Variants in BRAP observed in about 807,000 individuals in gnomAD.
BRAP encodes BRCA1 associated protein, also known as BRCA1-associated protein.
In BRAP, 42 loss-of-function variants were observed where a neutral mutation model predicts 73.4. That is an observed-to-expected ratio of 0.57 (90% CI 0.45 to 0.74). The LOEUF (loss-of-function observed/expected upper bound fraction) is 0.74, where lower values mean the gene tolerates loss of function less well. BRAP is among the 30% of genes least tolerant of loss of function. BRAP has a pLI of 0.00. For missense variants in BRAP, 593 were observed against 751.4 expected, an observed-to-expected ratio of 0.79 and a Z score of 2.46; for synonymous variants, 255 against 267.4, an observed-to-expected ratio of 0.95 and a Z score of 0.45.
chr12:111,644,313 C>T lies in BRAP; in HGVS notation c.1665G>A (p.Gln555=). The T allele has an allele frequency of 6.2e-7, 1 of 1,614,140 alleles. No homozygotes were observed. The highest frequency in any genetic ancestry group is 8.5e-7 in the Non-Finnish European group (1 of 1,180,036). ...TGTTGATCTGTCCCTCCTGGATTTC[C>T]TGCCGGGTCTCGGCAGGCAGATGGT... ...KINHLPAETR[Q]EIQEGQINIA... is the part of the protein sequence containing the mutation. Residue 555 remains glutamine (Q), a synonymous_variant, in exon 12 of 12, where the codon CAG becomes CAA. Coordinates refer to ENST00000419234, the MANE Select transcript of BRAP (RefSeq NM_006768.5).
chr12:111,643,017 C>G lies in BRAP; in HGVS notation c.*1182G>C, dbSNP rs1284394790. On this transcript the variant is annotated 3_prime_UTR_variant, in exon 12 of 12. Transcript: ENST00000419234. ...ACCTGTTGTTTAACAATACATCTTA[C>G]TAACCTATCCCTCTACCTCTTCAAG... The G allele has an allele frequency of 6.6e-6, 1 of 152,204 alleles. No homozygotes were observed. The highest frequency in any genetic ancestry group is 1.5e-5 in the Non-Finnish European group (1 of 68,028). 9.4% of individuals were successfully genotyped at this position (152,204 alleles called of 1,614,324 possible).
intron 10 of BRAP, among the ~76,000 whole-genome samples, chr12:111,655,301 C>T (rs1886484457): frequency 6.8e-6 from 1 of 148,028 alleles, no homozygotes; most frequent in African/African-American, 2.5e-5. Context: ...TTTAGTGGAA[C>T]TTCACAAGGC....
intron 9 of BRAP, among the ~76,000 whole-genome samples, chr12:111,656,813 A>G (rs1276224794): frequency 6.6e-6 from 1 of 152,106 alleles, no homozygotes; most frequent in East Asian, 1.9e-4. Flanking sequence ...GACTCACTGC[A>G]ACCTCAACCT....
rs532033954 is a variant in BRAP, at chr12:111,653,780, C to T, written c.1311+1786G>A. Among the ~76,000 whole-genome samples, 54 of 152,248 alleles carry T rather than the reference C, an allele frequency of 3.5e-4. 1 individual carries two copies. In the South Asian group the frequency reaches 0.01, roughly 29 times the overall value. On this transcript the variant is annotated intron_variant, in intron 10 of 11. Transcript: ENST00000419234. The stretch of plus-strand genomic sequence containing the variant: ...ACAAGGGACTGGCCAAAAGGAGGAC[C>T]GTGGCAGAACAAAAGGCTTGCATCA...
At chr12:111,672,025 G>C (rs61941270) in intron 5 of BRAP, among the ~76,000 whole-genome samples, 4,498 of 152,032 alleles carry the variant, frequency 0.03, 109 homozygotes, top group Non-Finnish European at 0.039. Context: ...GCCCAGCCAG[G>C]GTGATCTTGT....
intron 11 of BRAP, 100 bp from the exon 12 acceptor site, chr12:111,644,662 C>A: frequency 6.7e-7 from 1 of 1,497,508 alleles, no homozygotes; most frequent in East Asian, 2.3e-5. Context: ...CCTCAGAATC[C>A]CTTTAGGACA....
At position 111,645,680 on chromosome 12, in the gene BRAP, G is replaced by A. The variant is rs542523576; in HGVS notation, c.1416-1118C>T. 1.4e-3 allele frequency among the ~76,000 whole-genome samples: 215 copies of A among 152,282 alleles called. 2 individuals are homozygous for A. Among genetic ancestry groups the A allele is most frequent in the African/African-American group, 4.7e-3 (196 of 41,564 alleles). ...TACTCATAAGTAAAGAATTGCAAAT[G>A]AAACCACCATTTGAGGCCAGGTGCA... On this transcript the variant is annotated intron_variant, in intron 11 of 11. Coordinates refer to ENST00000419234, the MANE Select transcript of BRAP (RefSeq NM_006768.5).
intron 1 of BRAP, 88 bp downstream of exon 1, chr12:111,685,623 G>A (rs1367884479): frequency 4.2e-6 from 6 of 1,438,796 alleles, no homozygotes; most frequent in African/African-American, 1.5e-5. Flanking sequence ...CCCTCGCCGC[G>A]GGCTTTTCCC....
chr12:111,685,946 G>A lies in BRAP; in HGVS notation c.-154C>T, dbSNP rs1413584933. 8 of 426,172 alleles carry A rather than the reference G, an allele frequency of 1.9e-5. No homozygotes were observed. The highest frequency in any genetic ancestry group is 6.3e-5 in the South Asian group (1 of 15,894). 26.4% of individuals were successfully genotyped at this position (426,172 alleles called of 1,614,324 possible). A position where few individuals can be genotyped will look rare whatever the true frequency, so the allele number is the denominator to read the frequency against. Reference sequence around the variant, plus strand: ...AGCAGCTCCTCGAACAGCCCTCGGAGCCACAACAACCTCCACTTCCGCCTC... The same window carrying A: ...AGCAGCTCCTCGAACAGCCCTCGGAACCACAACAACCTCCACTTCCGCCTC... On this transcript the variant is annotated 5_prime_UTR_variant, in exon 1 of 12. Coordinates refer to ENST00000419234, the MANE Select transcript of BRAP (RefSeq NM_006768.5).
At chr12:111,653,058 T>C (rs1452989496) in intron 10 of BRAP, among the ~76,000 whole-genome samples, 2 of 152,106 alleles carry the variant, frequency 1.3e-5, no homozygotes, top group East Asian at 1.9e-4. Context: ...CCAGGCACAG[T>C]GGCACCCTCC....
intron 5 of BRAP, among the ~76,000 whole-genome samples, chr12:111,668,113 A>C (rs1210256935): frequency 6.6e-6 from 1 of 152,150 alleles, no homozygotes; most frequent in Non-Finnish European, 1.5e-5. Context: ...AGGCTGAGGC[A>C]GGAGAATCAC....
At chr12:111,653,018 G>T (rs780268674) in intron 10 of BRAP, among the ~76,000 whole-genome samples, 1 of 151,976 alleles carries the variant, frequency 6.6e-6, no homozygotes, top group East Asian at 1.9e-4. Flanking sequence ...CCAACCCCCC[G>T]ATCTGAATAA....
At chr12:111,649,240 C>A (rs894423079) in intron 11 of BRAP, among the ~76,000 whole-genome samples, 1 of 152,136 alleles carries the variant, frequency 6.6e-6, no homozygotes, top group South Asian at 2.1e-4. Flanking sequence ...GCAGCTTCTG[C>A]CTCCCAGACT....
At chr12:111,678,761 C>T (rs1479976994) in intron 4 of BRAP, among the ~76,000 whole-genome samples, 1 of 145,002 alleles carries the variant, frequency 6.9e-6, no homozygotes. Flanking sequence ...GTGATGTCAG[C>T]TTTCTGCAAC....
chr12:111,644,294 T>C lies in BRAP; in HGVS notation c.1684A>G (p.Ile562Val), dbSNP rs781494267. ...ETRQEIQEGQ[I>V]NIAMASASSP... ...GAGGCCGAGGCCATGGCGATGTTGATCTGTCCCTCCTGGATTTCCTGCCGG... is the reference window on the plus strand; with the variant it reads ...GAGGCCGAGGCCATGGCGATGTTGACCTGTCCCTCCTGGATTTCCTGCCGG... Residue 562 changes from isoleucine to valine, a missense_variant, in exon 12 of 12, where the codon ATC (isoleucine) becomes GTC (valine). Ile to Val is a conservative substitution (Grantham distance 29). Transcript: ENST00000419234. The C allele has an allele frequency of 1.9e-5, 30 of 1,614,116 alleles. No homozygotes were observed. Among genetic ancestry groups the C allele is most frequent in the Non-Finnish European group, 2.5e-5 (30 of 1,180,030 alleles).
chr12:111,662,711 G>A (rs1048704203), intron 6 of BRAP, among the ~76,000 whole-genome samples: 7 of 152,122 alleles, frequency 4.6e-5, no homozygotes, highest in Non-Finnish European at 8.8e-5. Flanking sequence ...CAAAAGAGAA[G>A]ACAGAAGACA....
At chr12:111,682,746 T>C (rs755380211) in intron 2 of BRAP, among the ~76,000 whole-genome samples, 3 of 151,918 alleles carry the variant, frequency 2.0e-5, no homozygotes, top group Admixed American at 6.6e-5. Context: ...ACCTTGTCTC[T>C]ACTGAAAATA....
chr12:111,685,620 C>G lies in BRAP; in HGVS notation c.82+91G>C, dbSNP rs549929225. On this transcript the variant is annotated intron_variant, in intron 1 of 11. Transcript: ENST00000419234. The stretch of plus-strand genomic sequence containing the variant: ...TGTCTTCCTGGGCAACAGCCCTCGC[C>G]GCGGGCTTTTCCCGGGCCAGTGCTT... The G allele has an allele frequency of 2.8e-4, 398 of 1,435,224 alleles. 3 individuals are homozygous for G. The African/African-American group carries it at 5.0e-3, about 18-fold the overall frequency. The allele number at this position is 1,435,224 out of a possible 1,614,324, so 88.9% of individuals were successfully genotyped here.
intron 4 of BRAP, among the ~76,000 whole-genome samples, chr12:111,677,911 A>T (rs1566128398): frequency 6.6e-6 from 1 of 152,216 alleles, no homozygotes; most frequent in Non-Finnish European, 1.5e-5. Flanking sequence ...ACTCCACACT[A>T]AAGCTTCTCT....
Sources: allele counts gnomAD v4.1 joint callset (sites outside exome capture counted in the v4.1 genomes callset), GRCh38; gene constraint gnomAD v4.1.1; transcripts MANE v1.5; gene names NCBI Gene and HGNC (gene_info 2026-07-23, HGNC 2026-07-21).